MLIP: variants seen among roughly 807,000 people sequenced by gnomAD.
The protein encoded by MLIP is muscular LMNA-interacting protein.
A neutral mutation model predicts 84.8 loss-of-function variants in MLIP; 79 were observed. The ratio of observed to expected loss-of-function variants is 0.93; its 90% CI spans 0.78 to 1.12. The LOEUF (loss-of-function observed/expected upper bound fraction) is 1.12, where lower values mean the gene tolerates loss of function less well. Among genes scored for constraint, MLIP ranks in the 50% most tolerant of loss-of-function variants. The pLI, the probability that MLIP is intolerant of heterozygous loss-of-function variation, is 0.00. For missense variants in MLIP, 1,257 were observed against 1,160.6 expected (o/e 1.08, Z -1.21); for synonymous variants, 504 against 463.0 (o/e 1.09, Z -1.14).
chr6:54,083,304 A>C, intron 1 of MLIP: 4 of 470,414 alleles, frequency 8.5e-6, no homozygotes, highest in Non-Finnish European at 1.4e-5. Context: ...TTCCAGGCAA[A>C]GAGTTTCTCT....
chr6:54,227,836 G>A (rs1045448366), intron 11 of MLIP, among the ~76,000 whole-genome samples: 2 of 152,004 alleles, frequency 1.3e-5, no homozygotes, highest in African/African-American at 4.8e-5. Context: ...GCTCCTTTAG[G>A]GTCCAGTCAA....
intron 12 of MLIP, among the ~76,000 whole-genome samples, chr6:54,241,466 T>A (rs1239925475): frequency 6.6e-6 from 1 of 152,170 alleles, no homozygotes; most frequent in Non-Finnish European, 1.5e-5. Flanking sequence ...GTTTACACAT[T>A]CAGTATTCAT....
chr6:54,225,513 A>G (rs1039792584), intron 11 of MLIP, among the ~76,000 whole-genome samples: 18 of 152,196 alleles, frequency 1.2e-4, no homozygotes, highest in Non-Finnish European at 2.4e-4. Context: ...GACTATAGTA[A>G]TGCAAGCATA....
chr6:54,181,022 C>T (rs929207969), intron 9 of MLIP, among the ~76,000 whole-genome samples: 5 of 152,188 alleles, frequency 3.3e-5, no homozygotes, highest in African/African-American at 1.2e-4. Context: ...CCCTTACTTT[C>T]TCTCAGAGAA....
At chr6:54,083,605 T>A in intron 1 of MLIP, 1 of 1,536,086 alleles carries the variant, frequency 6.5e-7, no homozygotes, top group South Asian at 1.2e-5. Context: ...GTACCTTGGA[T>A]TTGAATGTTC....
intron 1 of MLIP, among the ~76,000 whole-genome samples, chr6:54,093,169 GC>G (rs1704274120): frequency 6.6e-6 from 1 of 152,110 alleles, no homozygotes; most frequent in Non-Finnish European, 1.5e-5. Flanking sequence ...AAGCCACCAT[GC>G]CCAGCCCGAG....
chr6:54,096,388 C>G (rs1183485912), intron 1 of MLIP, among the ~76,000 whole-genome samples: 1 of 152,098 alleles, frequency 6.6e-6, no homozygotes. Flanking sequence ...AAATGTGGTG[C>G]CCAGATCCCG....
In MLIP at chr6:54,189,861, G is replaced by A; in HGVS notation, c.2545-9G>A. Reference sequence around the variant, plus strand: ...TTTCACTAATAAATGCCATGTTTATGTTTTGCAGGCAAATCTCTCCTCACC... The same window carrying A: ...TTTCACTAATAAATGCCATGTTTATATTTTGCAGGCAAATCTCTCCTCACC... On this transcript the variant is annotated splice_polypyrimidine_tract_variant and intron_variant, in intron 9 of 13. Transcript: ENST00000502396. 1.3e-6 allele frequency: 2 copies of A among 1,589,190 alleles called. No individual in the cohort carries two copies. Among genetic ancestry groups the A allele is most frequent in the Non-Finnish European group, 1.7e-6 (2 of 1,158,320 alleles).
At chr6:54,041,217 G>A (rs1374416976) in intron 1 of MLIP, 2 of 152,096 alleles carry the variant, frequency 1.3e-5, no homozygotes, top group Non-Finnish European at 1.5e-5. Flanking sequence ...TTTTGGGAAT[G>A]TTATAACAAT....
intron 8 of MLIP, among the ~76,000 whole-genome samples, chr6:54,167,679 A>G (rs1775333972): frequency 6.6e-6 from 1 of 151,902 alleles, no homozygotes; most frequent in South Asian, 2.1e-4. Flanking sequence ...GAGACTTCAG[A>G]TGATATTACC....
intron 11 of MLIP, among the ~76,000 whole-genome samples, chr6:54,229,304 A>G (rs1218934116): frequency 2.6e-5 from 4 of 152,260 alleles, no homozygotes; most frequent in Admixed American, 6.5e-5. Flanking sequence ...AAATCAAACA[A>G]GACACAGAAC....
At chr6:54,072,523 C>T (rs1582075775) in intron 1 of MLIP, among the ~76,000 whole-genome samples, 1 of 152,182 alleles carries the variant, frequency 6.6e-6, no homozygotes, top group East Asian at 1.9e-4. Flanking sequence ...ATTCAGGCAT[C>T]TGTCTTCTCT....
chr6:54,123,477 A>C (rs1410634131), intron 2 of MLIP, among the ~76,000 whole-genome samples: 3 of 152,220 alleles, frequency 2.0e-5, no homozygotes, highest in Admixed American at 6.5e-5. Context: ...TATCCTGACT[A>C]TATCCTCATT....
At chr6:54,020,050 A>G (rs1304789585) in intron 1 of MLIP, among the ~76,000 whole-genome samples, 1 of 152,232 alleles carries the variant, frequency 6.6e-6, no homozygotes, top group Non-Finnish European at 1.5e-5. Flanking sequence ...TTGTCCAGAC[A>G]TGTAATGGCC....
At chr6:54,238,052 A>G (rs1781484059) in intron 12 of MLIP, among the ~76,000 whole-genome samples, 1 of 152,090 alleles carries the variant, frequency 6.6e-6, no homozygotes, top group African/African-American at 2.4e-5. Flanking sequence ...ATGCATTTAA[A>G]TTATTTTTTT....
In MLIP at chr6:54,265,931, A is replaced by G. The variant is rs1444933825; in HGVS notation, c.2977-19A>G. On this transcript the variant is annotated intron_variant, in intron 13 of 13. Coordinates refer to ENST00000502396, the MANE Select transcript of MLIP (RefSeq NM_001281747.2). The stretch of plus-strand genomic sequence containing the variant: ...ATTTATTCATCTTAACCTGACTACC[A>G]TATTCTCTTATTTTACAGCAATGAA... 1.9e-6 allele frequency: 3 copies of G among 1,609,348 alleles called. No homozygotes were observed. The South Asian group carries it at 3.3e-5, about 18-fold the overall frequency.
At chr6:54,132,381 G>T (rs1331104150) in intron 3 of MLIP, among the ~76,000 whole-genome samples, 1 of 152,136 alleles carries the variant, frequency 6.6e-6, no homozygotes, top group African/African-American at 2.4e-5. Flanking sequence ...TTCTAAGAGG[G>T]CAAGAGCTGC....
chr6:54,258,574 G>A (rs1395860971), intron 13 of MLIP, among the ~76,000 whole-genome samples: 1 of 151,952 alleles, frequency 6.6e-6, no homozygotes, highest in African/African-American at 2.4e-5. Context: ...CTGGAAAATT[G>A]TAGTAATTTA....
intron 1 of MLIP, among the ~76,000 whole-genome samples, chr6:54,051,776 T>C (rs1765386912): frequency 6.6e-6 from 1 of 152,062 alleles, no homozygotes; most frequent in South Asian, 2.1e-4. Flanking sequence ...AACCATAAAG[T>C]TTATAATTTT....
Sources: gnomAD v4.1 joint callset for allele counts (sites outside exome capture counted in the v4.1 genomes callset) on GRCh38, gnomAD v4.1.1 for gene constraint, MANE v1.5 for transcripts, NCBI Gene and HGNC (gene_info 2026-07-23, HGNC 2026-07-21) for gene names.